Variants in FBXL17 observed in about 807,000 individuals in gnomAD.
The protein encoded by FBXL17 is F-box/LRR-repeat protein 17.
In FBXL17, 22 loss-of-function variants were observed where a neutral mutation model predicts 66.2. That is an observed-to-expected ratio of 0.33 (90% CI 0.24 to 0.47). The LOEUF is 0.47. FBXL17 is among the 20% of genes least tolerant of loss of function. The pLI is 1.00. For missense variants in FBXL17, 878 were observed against 948.2 expected, an observed-to-expected ratio of 0.93 and a Z score of 0.97; for synonymous variants, 474 against 400.5, an observed-to-expected ratio of 1.18 and a Z score of -2.19.
intron 7 of FBXL17, among the ~76,000 whole-genome samples, chr5:108,018,627 T>C (rs17160868): frequency 0.11 from 16,312 of 152,124 alleles, 2,947 homozygotes; most frequent in African/African-American, 0.37. Flanking sequence ...ACTTTCACCA[T>C]GAACCTTTTG....
intron 7 of FBXL17, among the ~76,000 whole-genome samples, chr5:108,012,713 G>C (rs891490655): frequency 2.6e-5 from 4 of 152,124 alleles, no homozygotes; most frequent in Non-Finnish European, 5.9e-5. Context: ...TCTACAACTT[G>C]AATAATAATA....
chr5:108,279,064 A>C (rs1408970532), intron 4 of FBXL17, among the ~76,000 whole-genome samples: 2 of 152,182 alleles, frequency 1.3e-5, no homozygotes, highest in Non-Finnish European at 2.9e-5. Context: ...GCCAGCCTGC[A>C]CATTTCAACC....
chr5:108,291,348 C>G (rs1274025874), intron 4 of FBXL17, among the ~76,000 whole-genome samples: 1 of 152,174 alleles, frequency 6.6e-6, no homozygotes, highest in Non-Finnish European at 1.5e-5. Context: ...TGTAAGTATT[C>G]AGAACAGCCA....
intron 6 of FBXL17, among the ~76,000 whole-genome samples, chr5:108,064,610 A>T (rs1748047913): frequency 6.6e-6 from 1 of 152,204 alleles, no homozygotes; most frequent in Non-Finnish European, 1.5e-5. Flanking sequence ...CCTCTCTGGG[A>T]TAAACTCATG....
rs1332594939 is a variant in FBXL17, at chr5:108,380,839, C to T, written c.853G>A (p.Ala285Thr). 1.3e-5 allele frequency: 16 copies of T among 1,246,938 alleles called. No homozygotes were observed. The highest frequency in any genetic ancestry group is 1.6e-5 in the African/African-American group (1 of 64,454). The allele number at this position is 1,246,938 out of a possible 1,614,324, so 77.2% of individuals were successfully genotyped here. Residue 285 changes from alanine (A) to threonine (T), a missense_variant, in exon 1 of 9, where the codon GCC (alanine) becomes ACC (threonine). By Grantham distance (58) the Ala-to-Thr change is moderately conservative. Transcript: ENST00000542267. ...GGDAVRAGGT[A>T]PLSAQQQHEC... ...TGCTGCTGCTGGGCGGACAAGGGGG[C>T]GGTGCCCCCGGCTCGGACAGCGTCC...
intron 5 of FBXL17, among the ~76,000 whole-genome samples, chr5:108,221,261 C>A (rs1257914815): frequency 6.6e-6 from 1 of 152,162 alleles, no homozygotes; most frequent in Non-Finnish European, 1.5e-5. Flanking sequence ...TCCATCTATT[C>A]CCAATCCTCT....
At chr5:108,246,527 G>C (rs1756104893) in intron 4 of FBXL17, among the ~76,000 whole-genome samples, 1 of 152,110 alleles carries the variant, frequency 6.6e-6, no homozygotes, top group African/African-American at 2.4e-5. Context: ...AAAAAGGGCA[G>C]ACAACAGTTT....
chr5:108,355,589 C>T (rs1223884709), intron 3 of FBXL17, among the ~76,000 whole-genome samples: 1 of 152,008 alleles, frequency 6.6e-6, no homozygotes, highest in Non-Finnish European at 1.5e-5. Flanking sequence ...AGCCAGAAAA[C>T]TTTAAAATAT....
chr5:108,164,234 C>T lies in FBXL17; in HGVS notation c.1745+21883G>A, dbSNP rs553224868. 3.9e-5 allele frequency among the ~76,000 whole-genome samples: 6 copies of T among 152,298 alleles called. No individual in the cohort carries two copies. In the South Asian group the frequency reaches 8.3e-4, roughly 21 times the overall value. On this transcript the variant is annotated intron_variant, in intron 6 of 8. Transcript: ENST00000542267. ...TCCAACCATGACATTAAGCCATACA[C>T]GAACCAGGACTGTGGTGCACCAAGT...
chr5:108,041,060 A>G (rs1008589435), intron 6 of FBXL17, among the ~76,000 whole-genome samples: 3 of 152,176 alleles, frequency 2.0e-5, no homozygotes, highest in Non-Finnish European at 4.4e-5. Flanking sequence ...ACATGGAGAT[A>G]ATGACTTCAT....
chr5:108,107,434 T>C (rs1434641171), intron 6 of FBXL17, among the ~76,000 whole-genome samples: 1 of 152,224 alleles, frequency 6.6e-6, no homozygotes, highest in Non-Finnish European at 1.5e-5. Flanking sequence ...TTTTAACTGT[T>C]AAGCAAAGTG....
At chr5:108,046,088 T>G (rs1411169219) in intron 6 of FBXL17, among the ~76,000 whole-genome samples, 1 of 152,194 alleles carries the variant, frequency 6.6e-6, no homozygotes, top group Non-Finnish European at 1.5e-5. Context: ...GATTTATCTT[T>G]CTCCTTTCAA....
intron 4 of FBXL17, among the ~76,000 whole-genome samples, chr5:108,331,288 G>A (rs1760113008): frequency 1.3e-5 from 2 of 152,206 alleles, no homozygotes; most frequent in South Asian, 4.1e-4. Flanking sequence ...GCAGATATGA[G>A]CACACATTTT....
chr5:108,174,705 A>G (rs1488535010), intron 6 of FBXL17, among the ~76,000 whole-genome samples: 1 of 150,634 alleles, frequency 6.6e-6, no homozygotes, highest in Admixed American at 6.7e-5. Flanking sequence ...AAAAACTCAT[A>G]CAATTTTTTT....
chr5:107,989,707 A>G (rs1010429983), intron 7 of FBXL17, among the ~76,000 whole-genome samples: 4 of 151,960 alleles, frequency 2.6e-5, no homozygotes, highest in Non-Finnish European at 5.9e-5. Flanking sequence ...TTTTTTTGGG[A>G]ACCTCCATAC....
intron 4 of FBXL17, among the ~76,000 whole-genome samples, chr5:108,340,760 T>C (rs1419364250): frequency 6.6e-6 from 1 of 152,210 alleles, no homozygotes; most frequent in Non-Finnish European, 1.5e-5. Context: ...TTTTAAAGCA[T>C]GCACAATGCA....
chr5:108,378,633 A>C (rs2112656801), intron 1 of FBXL17, among the ~76,000 whole-genome samples: 1 of 152,346 alleles, frequency 6.6e-6, no homozygotes, highest in East Asian at 1.9e-4. Context: ...CCGTGGCTCC[A>C]ACAGCAACTC....
chr5:108,151,590 C>T (rs1281213933), intron 6 of FBXL17, among the ~76,000 whole-genome samples: 1 of 152,086 alleles, frequency 6.6e-6, no homozygotes, highest in East Asian at 1.9e-4. Flanking sequence ...TCTGTAGACA[C>T]CCAAAAGAAA....
chr5:108,323,489 G>A (rs1449160201), intron 4 of FBXL17, among the ~76,000 whole-genome samples: 1 of 151,806 alleles, frequency 6.6e-6, no homozygotes, highest in Non-Finnish European at 1.5e-5. Context: ...TTAATGAATT[G>A]GAATACTTAA....
Sources: allele counts gnomAD v4.1 joint callset (sites outside exome capture counted in the v4.1 genomes callset), GRCh38; gene constraint gnomAD v4.1.1; transcripts MANE v1.5; gene names NCBI Gene and HGNC (gene_info 2026-07-23, HGNC 2026-07-21).